Variants in NUP98 observed in about 807,000 individuals in gnomAD.
NUP98 encodes nucleoporin 98 and 96 precursor, also known as nuclear pore complex protein Nup98-Nup96.
Under a neutral mutation model 191.9 loss-of-function variants are expected in NUP98, and 26 were observed. The observed-to-expected ratio is 0.14, with a 90% confidence interval of 0.10 to 0.19. The LOEUF (loss-of-function observed/expected upper bound fraction) is 0.19, where lower values mean the gene tolerates loss of function less well. NUP98 is among the 10% of genes least tolerant of loss of function. The pLI is 1.00. For synonymous variants in NUP98, 808 were observed against 778.4 expected, an observed-to-expected ratio of 1.04 and a Z score of -0.63; for missense variants, 1,941 against 2,178.8, an observed-to-expected ratio of 0.89 and a Z score of 2.17.
intron 14 of NUP98, among the ~76,000 whole-genome samples, chr11:3,730,263 C>T (rs2079793449): frequency 6.6e-6 from 1 of 151,910 alleles, no homozygotes; most frequent in Non-Finnish European, 1.5e-5. Context: ...CTAGGACAGA[C>T]ATAAATAATA....
At chr11:3,719,942 G>A (rs2079330642) in intron 17 of NUP98, among the ~76,000 whole-genome samples, 1 of 151,842 alleles carries the variant, frequency 6.6e-6, no homozygotes, top group Non-Finnish European at 1.5e-5. Flanking sequence ...TTTACTTTTG[G>A]TAAAGGTGAG....
chr11:3,676,416 C>G (rs753520612), intron 32 of NUP98, 40 bp from the exon 33 acceptor site: 113 of 1,610,126 alleles, frequency 7.0e-5, no homozygotes, highest in Non-Finnish European at 9.4e-5. Context: ...AGCATGGGGT[C>G]TGGAGAAGGG....
rs1214255715 is a variant in NUP98, at chr11:3,679,580, T to C, written c.5047A>G (p.Ile1683Val). The change falls in exon 31 of 33, where the codon ATT (isoleucine) becomes GTT (valine). Residue 1683 changes from isoleucine to valine, a missense_variant. Physicochemically the swap from Ile to Val is conservative, Grantham distance 29. Transcript: ENST00000324932. ...GLVYLDYIRV[I>V]EMLRHIQQVD... The stretch of plus-strand genomic sequence containing the variant: ...TGCTGTATATGGCGGAGCATTTCAA[T>C]GACTCTAATATAGTCCAGGTAAACA... 3.7e-6 allele frequency: 6 copies of C among 1,614,224 alleles called. No homozygotes were observed. The South Asian group carries it at 6.6e-5, about 18-fold the overall frequency.
At chr11:3,690,285 A>C (rs1172359541) in intron 28 of NUP98, among the ~76,000 whole-genome samples, 1 of 148,256 alleles carries the variant, frequency 6.7e-6, no homozygotes, top group Admixed American at 6.8e-5. Context: ...TTTGAGACAG[A>C]GTCTTGCTGT....
rs67500611 is a variant in NUP98 at position 3,760,112 on chromosome 11, C to CAAA, written c.1174+424_1174+426dup. 13 of 121,340 alleles carry CAAA rather than the reference C, an allele frequency of 1.1e-4. No individual in the cohort carries two copies. The South Asian group carries it at 1.1e-3, about 10-fold the overall frequency. The allele number at this position is 121,340 out of a possible 1,614,324, so 7.5% of individuals were successfully genotyped here. A position where few individuals can be genotyped will look rare whatever the true frequency, so the allele number is the denominator to read the frequency against. ...GCGATATAAAGACCCTGTTCTCCACCAAAAAAAAAAAAAAAAACAAAAACA... is the reference window on the plus strand; with the variant it reads ...GCGATATAAAGACCCTGTTCTCCACCAAAAAAAAAAAAAAAAAAAACAAAAACA... On this transcript the variant is annotated intron_variant, in intron 10 of 32. Transcript: ENST00000324932.
intron 10 of NUP98, among the ~76,000 whole-genome samples, chr11:3,754,968 A>G (rs190680): frequency 0.55 from 79,504 of 144,156 alleles, 22,563 homozygotes; most frequent in African/African-American, 0.7. Flanking sequence ...AAAAAAATCC[A>G]TAGGTATCAA....
intron 25 of NUP98, among the ~76,000 whole-genome samples, chr11:3,695,838 A>C (rs1188222651): frequency 1.3e-5 from 2 of 152,134 alleles, no homozygotes; most frequent in Non-Finnish European, 2.9e-5. Context: ...TAGCATATAG[A>C]CATCAACAAC....
Position 3,690,342 on chromosome 11 carries a change from C to G in NUP98, c.4454+1005G>C, listed in dbSNP as rs1285945593. Among the ~76,000 whole-genome samples, 3 of 151,644 alleles carry G rather than the reference C, an allele frequency of 2.0e-5. No individual in the cohort carries two copies. In the East Asian group the frequency reaches 5.8e-4, roughly 29 times the overall value. On this transcript the variant is annotated intron_variant, in intron 28 of 32. Coordinates refer to ENST00000324932, the MANE Select transcript of NUP98 (RefSeq NM_016320.5). ...TGGCATGATCTCTGCTCACTGCAAGCTCTGCCTCCCGGGTTCACGCCATTC... is the reference window on the plus strand; with the variant it reads ...TGGCATGATCTCTGCTCACTGCAAGGTCTGCCTCCCGGGTTCACGCCATTC...
intron 22 of NUP98, among the ~76,000 whole-genome samples, chr11:3,703,419 T>C (rs897502788): frequency 6.6e-6 from 1 of 152,248 alleles, no homozygotes; most frequent in Admixed American, 6.5e-5. Flanking sequence ...AGTTTCACCA[T>C]GTTGGCCAGG....
At chr11:3,730,683 G>C (rs1393239950) in intron 14 of NUP98, among the ~76,000 whole-genome samples, 1 of 151,984 alleles carries the variant, frequency 6.6e-6, no homozygotes, top group Admixed American at 6.6e-5. Context: ...TATTTTTAGG[G>C]AAAGAAAGTT....
intron 14 of NUP98, among the ~76,000 whole-genome samples, chr11:3,730,981 G>T (rs750240853): frequency 5.9e-5 from 9 of 152,122 alleles, no homozygotes; most frequent in Non-Finnish European, 1.3e-4. Flanking sequence ...TAAAAAAGTG[G>T]ACTGGCTGGG....
At chr11:3,787,303 G>A (rs547545794) in intron 1 of NUP98, among the ~76,000 whole-genome samples, 271 of 152,256 alleles carry the variant, frequency 1.8e-3, no homozygotes, top group Non-Finnish European at 3.0e-3. Context: ...CTCTAAGGCC[G>A]GGCACGGTGG....
intron 25 of NUP98, among the ~76,000 whole-genome samples, chr11:3,696,127 G>T (rs187600266): frequency 7.9e-5 from 12 of 152,242 alleles, no homozygotes; most frequent in South Asian, 2.1e-4. Flanking sequence ...TGAGTTGGAG[G>T]TTGCAGTGAG....
intron 12 of NUP98, among the ~76,000 whole-genome samples, chr11:3,743,780 G>A (rs868679214): frequency 4.6e-5 from 7 of 151,744 alleles, no homozygotes; most frequent in Non-Finnish European, 7.4e-5. Context: ...CAGGCTGTGC[G>A]TGGTGGCTTA....
intron 2 of NUP98, chr11:3,781,509 A>C (rs1455766425): frequency 2.0e-5 from 3 of 150,158 alleles, no homozygotes; most frequent in African/African-American, 4.9e-5. Flanking sequence ...AAAAAAAAAA[A>C]AAAAAAAACC....
intron 7 of NUP98, 49 bp from the exon 8 acceptor site, chr11:3,768,793 GT>G: frequency 7.2e-7 from 1 of 1,393,050 alleles, no homozygotes. Flanking sequence ...TAAAAAAAAT[GT>G]AAACACCCAA....
intron 18 of NUP98, among the ~76,000 whole-genome samples, chr11:3,716,275 G>T (rs925545061): frequency 6.6e-6 from 1 of 151,560 alleles, no homozygotes; most frequent in Admixed American, 6.6e-5. Flanking sequence ...TCACTCTTTT[G>T]TATGTGGATA....
chr11:3,737,870 TAAAG>T (rs968334756), intron 12 of NUP98, among the ~76,000 whole-genome samples: 11 of 150,766 alleles, frequency 7.3e-5, no homozygotes, highest in African/African-American at 2.4e-4. Flanking sequence ...GAGCAAAAAA[TAAAG>T]AAAAGTTTTT....
At chr11:3,695,244 T>C (rs1308732788) in intron 26 of NUP98, among the ~76,000 whole-genome samples, 3 of 152,268 alleles carry the variant, frequency 2.0e-5, no homozygotes, top group African/African-American at 4.8e-5. Context: ...ATATGGGATA[T>C]GATACATTTT....
Sources: allele counts gnomAD v4.1 joint callset (sites outside exome capture counted in the v4.1 genomes callset), GRCh38; gene constraint gnomAD v4.1.1; transcripts MANE v1.5; gene names NCBI Gene and HGNC (gene_info 2026-07-23, HGNC 2026-07-21).